FEZ1: variants seen among roughly 807,000 people sequenced by gnomAD.
FEZ1 encodes fasciculation and elongation protein zeta-1.
FEZ1 carries 20 observed loss-of-function variants against 49.3 expected under a neutral mutation model. The ratio of observed to expected loss-of-function variants is 0.41; its 90% CI spans 0.29 to 0.59. The LOEUF (loss-of-function observed/expected upper bound fraction) is 0.59. FEZ1 is among the 20% of genes least tolerant of loss of function. FEZ1 has a pLI of 0.36. For missense variants in FEZ1, 413 were observed against 476.0 expected, an observed-to-expected ratio of 0.87 and a Z score of 1.23; for synonymous variants, 170 against 180.9, an observed-to-expected ratio of 0.94 and a Z score of 0.48.
chr11:125,456,119 A>C lies in FEZ1; in HGVS notation c.668-13T>G. The C allele has an allele frequency of 6.4e-7, 1 of 1,567,318 alleles. No individual in the cohort carries two copies. The highest frequency in any genetic ancestry group is 8.6e-7 in the Non-Finnish European group (1 of 1,158,834). ...ATGTGCCTCAGCCCTGCAGGGGAAG[A>C]CCGTCTCCCGCATAACACCTGCATC... On this transcript the variant is annotated splice_polypyrimidine_tract_variant and intron_variant, in intron 5 of 9. Coordinates refer to ENST00000278919, the MANE Select transcript of FEZ1 (RefSeq NM_005103.5).
intron 8 of FEZ1, among the ~76,000 whole-genome samples, chr11:125,449,604 C>T (rs996453315): frequency 3.3e-5 from 5 of 151,958 alleles, no homozygotes; most frequent in Non-Finnish European, 7.4e-5. Context: ...AAGTAGTTAT[C>T]TCTGAGTGTA....
At position 125,474,249 on chromosome 11, in the gene FEZ1, A is replaced by G. The variant is rs982449147; in HGVS notation, c.411+7285T>C. On this transcript the variant is annotated intron_variant, in intron 3 of 9. Coordinates refer to ENST00000278919, the MANE Select transcript of FEZ1 (RefSeq NM_005103.5). Reference sequence around the variant, plus strand: ...GAGACAGGGTTTCACCGTGTTAGCCAGCATGGTCTCAATCTGCTGACCTCG... The same window carrying G: ...GAGACAGGGTTTCACCGTGTTAGCCGGCATGGTCTCAATCTGCTGACCTCG... Among the ~76,000 whole-genome samples, 3 of 145,010 alleles carry G rather than the reference A, an allele frequency of 2.1e-5. No individual in the cohort carries two copies. The Admixed American group carries it at 2.1e-4, about 10-fold the overall frequency.
chr11:125,462,550 G>C (rs931276494), intron 4 of FEZ1, among the ~76,000 whole-genome samples: 3 of 152,198 alleles, frequency 2.0e-5, no homozygotes, highest in Non-Finnish European at 1.5e-5. Flanking sequence ...ATTTCAATAA[G>C]AAGGCTTAGC....
At chr11:125,456,261 G>A (rs1259751440) in intron 5 of FEZ1, 155 bp from the exon 6 acceptor site, 7 of 686,800 alleles carry the variant, frequency 1.0e-5, no homozygotes, top group South Asian at 2.5e-5. Context: ...CACAATTTAC[G>A]AGCACGCCAG....
At chr11:125,478,047 T>C (rs1957247439) in intron 3 of FEZ1, among the ~76,000 whole-genome samples, 2 of 152,252 alleles carry the variant, frequency 1.3e-5, no homozygotes, top group African/African-American at 4.8e-5. Flanking sequence ...AAAATGACAC[T>C]CTTTGCAGTC....
chr11:125,459,672 G>A (rs1382169395), intron 5 of FEZ1, among the ~76,000 whole-genome samples: 2 of 152,220 alleles, frequency 1.3e-5, no homozygotes, highest in Non-Finnish European at 2.9e-5. Context: ...TTTCTGAACA[G>A]GAAGGAAATC....
Position 125,495,275 on chromosome 11 carries a change from C to G in FEZ1, c.-46+846G>C. On this transcript the variant is annotated intron_variant, in intron 1 of 9. Transcript: ENST00000278919. This position sits in a 1 kb window ranked among gnomAD's most constrained non-coding sequence, Gnocchi z 4.2. ...TCCCGTGCAGGCCGCATACACACTC[C>G]ACTGCCCTTCCGGCCAAACAAGCCC... 3 of 432,782 alleles carry G rather than the reference C, an allele frequency of 6.9e-6. No homozygotes were observed. The highest frequency in any genetic ancestry group is 1.5e-5 in the Non-Finnish European group (3 of 206,094). The allele number at this position is 432,782 out of a possible 1,614,324, so 26.8% of individuals were successfully genotyped here.
Position 125,456,082 on chromosome 11 carries a change from T to G in FEZ1, c.692A>C (p.Glu231Ala). ...YEGLRHMSGS[E>A]LTELLDQVEG... ...CACCTGGTCCAGCAGCTCGGTCAGC[T>G]CAGACCCAGACATGTGCCTCAGCCC... Residue 231 changes from glutamate (E) to alanine (A), a missense_variant, in exon 6 of 10, where the codon GAG (glutamate) becomes GCG (alanine). Physicochemically the swap from Glu to Ala is moderately radical, Grantham distance 107. Transcript: ENST00000278919. 1 of 1,603,976 alleles carries G rather than the reference T, an allele frequency of 6.2e-7. No individual in the cohort carries two copies. Among genetic ancestry groups the G allele is most frequent in the Non-Finnish European group, 8.5e-7 (1 of 1,176,328 alleles).
At chr11:125,461,333 A>ATGG (rs1335498189) in intron 4 of FEZ1, among the ~76,000 whole-genome samples, 1 of 152,234 alleles carries the variant, frequency 6.6e-6, no homozygotes, top group Non-Finnish European at 1.5e-5. Context: ...CTAGCTGGGC[A>ATGG]TGGTGTCTCA....
intron 3 of FEZ1, among the ~76,000 whole-genome samples, chr11:125,478,203 G>A (rs1343561128): frequency 6.6e-6 from 1 of 152,198 alleles, no homozygotes; most frequent in African/African-American, 2.4e-5. Context: ...AGCACTTTGG[G>A]AGGCCAAGGC....
Position 125,444,477 on chromosome 11 carries a change from C to A in FEZ1, c.*1618G>T, listed in dbSNP as rs1039935903. Among the ~76,000 whole-genome samples the A allele has an allele frequency of 1.3e-5, 2 of 151,998 alleles. No homozygotes were observed. Among genetic ancestry groups the A allele is most frequent in the African/African-American group, 2.4e-5 (1 of 41,374 alleles). On this transcript the variant is annotated 3_prime_UTR_variant, in exon 10 of 10. Coordinates refer to ENST00000278919, the MANE Select transcript of FEZ1 (RefSeq NM_005103.5). ...CTGCATGCCTGTAATCCCAGCTACT[C>A]GGGAGGCTGAGGCAGGAGAATCACT...
At position 125,454,164 on chromosome 11, in the gene FEZ1, C is replaced by T. The variant is rs779552697; in HGVS notation, c.986G>A (p.Arg329His). 8.7e-6 allele frequency: 14 copies of T among 1,613,486 alleles called. No homozygotes were observed. Among genetic ancestry groups the T allele is most frequent in the Admixed American group, 1.7e-5 (1 of 59,924 alleles). Residue 329 changes from arginine (R) to histidine (H), a missense_variant, in exon 7 of 10, where the codon CGC becomes CAC. Arg to His is a conservative substitution (Grantham distance 29). Transcript: ENST00000278919. ...GISNILQSGI[R>H]QTFGSSGTDK... ...AGTTCCTGAGGAGCCAAAGGTCTGGCGGATGCCACTCTGCAGAATGTTGGA... is the reference window on the plus strand; with the variant it reads ...AGTTCCTGAGGAGCCAAAGGTCTGGTGGATGCCACTCTGCAGAATGTTGGA...
At chr11:125,461,735 G>A (rs1957077204) in intron 4 of FEZ1, among the ~76,000 whole-genome samples, 1 of 152,218 alleles carries the variant, frequency 6.6e-6, no homozygotes, top group Non-Finnish European at 1.5e-5. Context: ...GTTCTCCATG[G>A]ATGGACTAAA....
rs943940719 is a variant in FEZ1, at chr11:125,495,185, C to G, written c.-46+936G>C. The G allele has an allele frequency of 2.8e-6, 1 of 358,354 alleles. No homozygotes were observed. 22.2% of individuals were successfully genotyped at this position (358,354 alleles called of 1,614,324 possible). On this transcript the variant is annotated intron_variant, in intron 1 of 9. Transcript: ENST00000278919. This position sits in a 1 kb window ranked among gnomAD's most constrained non-coding sequence, Gnocchi z 4.2. ...TCAGATCCCCCTCCTCCCCCCAGTCCGGTGGGGTAAAGAAAGCCTCCTCCA... is the reference window on the plus strand; with the variant it reads ...TCAGATCCCCCTCCTCCCCCCAGTCGGGTGGGGTAAAGAAAGCCTCCTCCA...
chr11:125,449,417 TAAAAAAAAAAAAAA>T (rs35920814), intron 8 of FEZ1, among the ~76,000 whole-genome samples: 2 of 27,006 alleles, frequency 7.4e-5, no homozygotes, highest in Non-Finnish European at 1.2e-4. Context: ...TTTGTCTCTA[TAAAAAAAAAAAAAA>T]AAAAAAAAAA....
At chr11:125,482,974 TAAAAAAAAAAAA>T (rs56169482) in intron 2 of FEZ1, among the ~76,000 whole-genome samples, 1 of 28,740 alleles carries the variant, frequency 3.5e-5, no homozygotes, top group Non-Finnish European at 5.8e-5. Flanking sequence ...CAAGACACTG[TAAAAAAAAAAAA>T]AAAAAAAAAA....
chr11:125,456,006 G>A lies in FEZ1; in HGVS notation c.768C>T (p.Arg256=), dbSNP rs1305260711. ...FSEELVQQLA[R]RDELEFEKEV... ...CCTTCTCAAACTCCAGCTCGTCCCGGCGGGCCAGCTGCTGCACCAGCTCCT... is the reference window on the plus strand; with the variant it reads ...CCTTCTCAAACTCCAGCTCGTCCCGACGGGCCAGCTGCTGCACCAGCTCCT... Residue 256 remains arginine (R), a synonymous_variant, in exon 6 of 10, where the codon CGC becomes CGT. Transcript: ENST00000278919. 6.2e-6 allele frequency: 10 copies of A among 1,613,312 alleles called. No individual in the cohort carries two copies. Among genetic ancestry groups the A allele is most frequent in the Non-Finnish European group, 8.5e-6 (10 of 1,179,974 alleles).
intron 5 of FEZ1, among the ~76,000 whole-genome samples, chr11:125,456,671 A>G (rs533396039): frequency 2.0e-5 from 3 of 152,228 alleles, no homozygotes; most frequent in African/African-American, 4.8e-5. Context: ...GCATGAAAAA[A>G]TAAAGCCTAG....
chr11:125,451,156 G>A (rs1956950914), intron 8 of FEZ1, among the ~76,000 whole-genome samples: 1 of 151,892 alleles, frequency 6.6e-6, no homozygotes, highest in Non-Finnish European at 1.5e-5. Context: ...TGTAACTTGT[G>A]TGAAAACACA....
Sources: gnomAD v4.1 joint callset for allele counts (sites outside exome capture counted in the v4.1 genomes callset) on GRCh38, gnomAD v4.1.1 for gene constraint, Gnocchi (gnomAD v3.1) non-coding constraint, MANE v1.5 for transcripts, NCBI Gene and HGNC (gene_info 2026-07-23, HGNC 2026-07-21) for gene names.